The following SGMS1 variants were observed in gnomAD, a reference collection of about 807,000 sequenced individuals.
SGMS1 encodes phosphatidylcholine:ceramide cholinephosphotransferase 1.
SGMS1 carries 13 observed loss-of-function variants against 46.2 expected under a neutral mutation model. The ratio of observed to expected loss-of-function variants is 0.28; its 90% CI spans 0.18 to 0.45. SGMS1 has a LOEUF of 0.45. Ranked by LOEUF, SGMS1 falls within the 20% of genes least tolerant of loss-of-function variation. The pLI is 1.00. For synonymous variants in SGMS1, 203 were observed against 187.8 expected (o/e 1.08, Z -0.66); for missense variants, 324 against 519.9 (o/e 0.62, Z 3.66).
intron 6 of SGMS1, among the ~76,000 whole-genome samples, chr10:50,413,085 C>T (rs1160496013): frequency 6.6e-6 from 1 of 152,026 alleles, no homozygotes; most frequent in Non-Finnish European, 1.5e-5. Context: ...TTCTATTAAC[C>T]TGGAAAATGT....
At chr10:50,509,637 T>C (rs1472159159) in intron 3 of SGMS1, among the ~76,000 whole-genome samples, 1 of 152,224 alleles carries the variant, frequency 6.6e-6, no homozygotes. Context: ...CAGCAGCTTT[T>C]GTTTTAACCT....
chr10:50,386,409 T>A (rs567801924), intron 6 of SGMS1, among the ~76,000 whole-genome samples: 2 of 152,264 alleles, frequency 1.3e-5, no homozygotes, highest in South Asian at 2.1e-4. Context: ...AATTAGAAAA[T>A]CAGTATGTGA....
chr10:50,535,543 T>G (rs1055321913), intron 2 of SGMS1, among the ~76,000 whole-genome samples: 2 of 152,076 alleles, frequency 1.3e-5, no homozygotes, highest in Non-Finnish European at 2.9e-5. Context: ...CTAATTTTTG[T>G]ATTTTGAGTA....
At chr10:50,575,989 A>G (rs988806269) in intron 2 of SGMS1, among the ~76,000 whole-genome samples, 13 of 152,128 alleles carry the variant, frequency 8.5e-5, no homozygotes, top group African/African-American at 3.1e-4. Context: ...AGCTATGTCC[A>G]CTACAGCACC....
chr10:50,567,817 G>T (rs978390414), intron 2 of SGMS1, among the ~76,000 whole-genome samples: 1 of 152,174 alleles, frequency 6.6e-6, no homozygotes, highest in Admixed American at 6.5e-5. Context: ...GGGGGAAAAG[G>T]GGGGAAAAGA....
chr10:50,437,682 T>C (rs1849492660), intron 5 of SGMS1, among the ~76,000 whole-genome samples: 1 of 152,208 alleles, frequency 6.6e-6, no homozygotes, highest in South Asian at 2.1e-4. Flanking sequence ...AAACTGCTAA[T>C]GATTCTAACC....
chr10:50,560,922 A>G (rs140515101), intron 2 of SGMS1, among the ~76,000 whole-genome samples: 1 of 152,276 alleles, frequency 6.6e-6, no homozygotes, highest in Non-Finnish European at 1.5e-5. Context: ...TCGGCAAGGG[A>G]CAGAAAAGTC....
In SGMS1 at chr10:50,546,622, A is replaced by C. The variant is rs912866910; in HGVS notation, c.-588-26701T>G. On this transcript the variant is annotated intron_variant, in intron 2 of 10. Transcript: ENST00000361781. ...TCATTCTCAGCAAACTATCACAAGG[A>C]CAAAAAACCAAACACCGCATGTTCT... 1.3e-5 allele frequency among the ~76,000 whole-genome samples: 2 copies of C among 152,316 alleles called. 1 individual carries two copies. The highest frequency in any genetic ancestry group is 6.8e-3 in the Middle Eastern group (2 of 294).
intron 2 of SGMS1, among the ~76,000 whole-genome samples, chr10:50,587,673 GT>G (rs1838499825): frequency 6.6e-6 from 1 of 151,304 alleles, no homozygotes; most frequent in South Asian, 2.1e-4. Context: ...GTGTGTGTGT[GT>G]GTGTGTCGTT....
intron 8 of SGMS1, among the ~76,000 whole-genome samples, chr10:50,320,303 C>A (rs535062248): frequency 1.3e-5 from 2 of 152,184 alleles, no homozygotes; most frequent in African/African-American, 2.4e-5. Flanking sequence ...CTTGCCTTTG[C>A]CACTCAGTAC....
At chr10:50,483,034 T>TAGAC (rs1837490472) in intron 3 of SGMS1, among the ~76,000 whole-genome samples, 1 of 152,154 alleles carries the variant, frequency 6.6e-6, no homozygotes, top group Non-Finnish European at 1.5e-5. Flanking sequence ...ATGCACCCAA[T>TAGAC]ACAGGAGCAC....
At chr10:50,481,312 C>G (rs1837474837) in intron 3 of SGMS1, among the ~76,000 whole-genome samples, 1 of 152,190 alleles carries the variant, frequency 6.6e-6, no homozygotes, top group East Asian at 1.9e-4. Flanking sequence ...CCTTCTGCGA[C>G]AGAGCTCCCA....
At chr10:50,594,607 T>C (rs1186049319) in intron 1 of SGMS1, among the ~76,000 whole-genome samples, 1 of 152,042 alleles carries the variant, frequency 6.6e-6, no homozygotes, top group African/African-American at 2.4e-5. Flanking sequence ...ATTTTCTCTA[T>C]AAAAAGCTGT....
Position 50,432,083 on chromosome 10 carries a change from C to T in SGMS1, c.-232+1393G>A, listed in dbSNP as rs144745863. Among the ~76,000 whole-genome samples, 325 of 152,220 alleles carry T rather than the reference C, an allele frequency of 2.1e-3. 2 individuals carry two copies. Among genetic ancestry groups the T allele is most frequent in the African/African-American group, 7.3e-3 (305 of 41,546 alleles). On this transcript the variant is annotated intron_variant, in intron 6 of 10. Transcript: ENST00000361781. ...TCATCAAATGAAACTCTTACCACCA[C>T]GGCTGAGGCAGATAATTAAAGAATT...
At chr10:50,390,913 C>T (rs564430386) in intron 6 of SGMS1, among the ~76,000 whole-genome samples, 52 of 152,226 alleles carry the variant, frequency 3.4e-4, no homozygotes, top group African/African-American at 1.1e-3. Flanking sequence ...ATGGTCACAG[C>T]CTGGGTCTGG....
At chr10:50,569,252 G>GT (rs1242091056) in intron 2 of SGMS1, among the ~76,000 whole-genome samples, 1 of 141,128 alleles carries the variant, frequency 7.1e-6, no homozygotes, top group African/African-American at 2.6e-5. Context: ...GTATACCTGT[G>GT]TAACAAACCT....
intron 2 of SGMS1, among the ~76,000 whole-genome samples, chr10:50,558,357 T>C (rs1388269747): frequency 6.6e-6 from 1 of 152,208 alleles, no homozygotes; most frequent in African/African-American, 2.4e-5. Flanking sequence ...TTCACTCCCA[T>C]GTACTGAATC....
chr10:50,516,972 C>T (rs1358330876), intron 3 of SGMS1, among the ~76,000 whole-genome samples: 6 of 152,116 alleles, frequency 3.9e-5, no homozygotes, highest in Non-Finnish European at 7.4e-5. Flanking sequence ...CTGGAGGTAA[C>T]TATGAATACC....
At chr10:50,519,168 T>C (rs1222478668) in intron 3 of SGMS1, among the ~76,000 whole-genome samples, 1 of 152,184 alleles carries the variant, frequency 6.6e-6, no homozygotes, top group Non-Finnish European at 1.5e-5. Context: ...AAGCAATATA[T>C]TGTTTGGAGA....
Sources: allele counts gnomAD v4.1 joint callset (sites outside exome capture counted in the v4.1 genomes callset), GRCh38; gene constraint gnomAD v4.1.1; transcripts MANE v1.5; gene names NCBI Gene and HGNC (gene_info 2026-07-23, HGNC 2026-07-21).